Variants in C2orf49 observed in about 807,000 individuals in gnomAD.
C2orf49 encodes tRNA-splicing ligase complex subunit ASW.
In C2orf49, 11 loss-of-function variants were observed where a neutral mutation model predicts 20.6. The ratio of observed to expected loss-of-function variants is 0.53; its 90% confidence interval spans 0.34 to 0.88. The LOEUF (loss-of-function observed/expected upper bound fraction) is 0.88, where lower values mean the gene tolerates loss of function less well. Among genes scored for constraint, C2orf49 ranks in the 40% least tolerant of loss-of-function variants. C2orf49 has a pLI of 0.02. For missense variants in C2orf49, 289 were observed against 274.2 expected (o/e 1.05, Z -0.38); for synonymous variants, 134 against 108.5 (o/e 1.24, Z -1.46).
rs1285322892 is a variant in C2orf49, at chr2:105,345,330, C to G, written c.658C>G (p.Pro220Ala). The G allele has an allele frequency of 6.2e-7, 1 of 1,612,132 alleles. No individual in the cohort carries two copies. The highest frequency in any genetic ancestry group is 8.5e-7 in the Non-Finnish European group (1 of 1,179,446). ...EAEAMNNLKP[P>A]QAKRKIQHVT... is the part of the protein sequence containing the mutation. Reference sequence around the variant, plus strand: ...TGTCTTTCAGAATAACCTGAAGCCCCCACAAGCAAAAAGGAAGATACAACA... The same window carrying G: ...TGTCTTTCAGAATAACCTGAAGCCCGCACAAGCAAAAAGGAAGATACAACA... The change falls in exon 4 of 4, where the codon CCA (proline) becomes GCA (alanine). Residue 220 changes from proline to alanine, a missense_variant. Physicochemically the swap from Pro to Ala is conservative, Grantham distance 27 (BLOSUM62 -1). Coordinates refer to ENST00000258457, the MANE Select transcript of C2orf49 (RefSeq NM_024093.3).
At chr2:105,339,001 A>G (rs563869432) in intron 1 of C2orf49, among the ~76,000 whole-genome samples, 51 of 152,266 alleles carry the variant, frequency 3.3e-4, no homozygotes, top group Non-Finnish European at 6.6e-4. Flanking sequence ...TGAAAGGACC[A>G]GTGAAAATGG....
chr2:105,354,091 T>C (rs1679995117), downstream of C2orf49, among the ~76,000 whole-genome samples: 1 of 152,222 alleles, frequency 6.6e-6, no homozygotes, highest in African/African-American at 2.4e-5. Flanking sequence ...CTTTGCTAGT[T>C]TCTAAAGTTC....
rs1448351344 is a variant in C2orf49, at chr2:105,337,565, A to C, written c.-23A>C. The C allele has an allele frequency of 5.0e-6, 8 of 1,613,064 alleles. No homozygotes were observed. The Admixed American group carries it at 8.3e-5, about 17-fold the overall frequency. ...CTTCGCGGGGCTTTGTGGGTAGCCG[A>C]CTGGGGTCTCCTGGCGACGACCATG... On this transcript the variant is annotated 5_prime_UTR_variant, in exon 1 of 4. Transcript: ENST00000258457.
At chr2:105,343,295 A>G (rs111280200) in intron 3 of C2orf49, 72 bp downstream of exon 3, 63,989 of 1,458,340 alleles carry the variant, frequency 0.044, 1,554 homozygotes, top group African/African-American at 0.075. Context: ...TCATGACGGG[A>G]GGTGGGTCGA....
At chr2:105,363,733 T>G in the C2orf49 span, among the ~76,000 whole-genome samples, 1 of 152,208 alleles carries the variant, frequency 6.6e-6, no homozygotes, top group Non-Finnish European at 1.5e-5. Flanking sequence ...GCTGGGGATC[T>G]AAGGCATAGG....
At chr2:105,381,591 C>T in the C2orf49 span, among the ~76,000 whole-genome samples, 5 of 152,140 alleles carry the variant, frequency 3.3e-5, no homozygotes, top group Non-Finnish European at 7.3e-5. Flanking sequence ...AGGCCAAGTT[C>T]GTGCACTGAC....
intron 2 of C2orf49, among the ~76,000 whole-genome samples, chr2:105,342,218 ATAT>A (rs560736748): frequency 5.9e-5 from 9 of 152,348 alleles, no homozygotes; most frequent in Admixed American, 5.9e-4. Flanking sequence ...GGTGATATAG[ATAT>A]TATCTGAGGT....
the C2orf49 span, chr2:105,367,429 G>A: frequency 1.3e-6 from 1 of 787,668 alleles, no homozygotes; most frequent in South Asian, 1.9e-5. Flanking sequence ...TAAATGCTCA[G>A]AATGTAAGGC....
the C2orf49 span, among the ~76,000 whole-genome samples, chr2:105,379,486 T>C: frequency 6.6e-6 from 1 of 152,260 alleles, no homozygotes; most frequent in Non-Finnish European, 1.5e-5. Context: ...TAATTCTTCA[T>C]ACCTATTTTG....
At chr2:105,367,424 G>T in the C2orf49 span, 5 of 748,816 alleles carry the variant, frequency 6.7e-6, no homozygotes, top group Non-Finnish European at 1.1e-5. Context: ...ATGGATAAAT[G>T]CTCAGAATGT....
chr2:105,373,447 G>T, the C2orf49 span: 2 of 1,158,522 alleles, frequency 1.7e-6, no homozygotes, highest in East Asian at 2.4e-5. Flanking sequence ...GGTCAAACTG[G>T]AAAGTCAACA....
intron 1 of C2orf49, 23 bp downstream of exon 1, chr2:105,337,709 GTGGGCGGGT>G: frequency 5.5e-6 from 2 of 365,844 alleles, no homozygotes; most frequent in Non-Finnish European, 1.1e-5. Flanking sequence ...GGATCGGAGG[GTGGGCGGGT>G]GGGCCTTCCC....
At chr2:105,342,503 A>G (rs1019927997) in intron 2 of C2orf49, among the ~76,000 whole-genome samples, 9 of 151,852 alleles carry the variant, frequency 5.9e-5, no homozygotes, top group Non-Finnish European at 1.0e-4. Flanking sequence ...AACTGATTAC[A>G]TGGTTAAGAT....
In C2orf49 at chr2:105,345,963, CAA is replaced by C. The variant is rs879523251; in HGVS notation, c.*603_*604del. ...GGGCAACAAGAGCGAAACTCCATCT[CAA>C]AAAAAAAAAAGCATTCAGTGAATTT... is the stretch of plus-strand genomic sequence containing the variant. On this transcript the variant is annotated 3_prime_UTR_variant, in exon 4 of 4. Coordinates refer to ENST00000258457, the MANE Select transcript of C2orf49 (RefSeq NM_024093.3). 4 of 135,118 alleles carry C rather than the reference CAA, an allele frequency of 3.0e-5. No homozygotes were observed. Among genetic ancestry groups the C allele is most frequent in the East Asian group, 4.2e-4 (2 of 4,762 alleles). The allele number at this position is 135,118 out of a possible 1,614,324, so 8.4% of individuals were successfully genotyped here.
At chr2:105,353,833 T>C (rs1045033483), downstream of C2orf49, among the ~76,000 whole-genome samples, 2 of 152,256 alleles carry the variant, frequency 1.3e-5, no homozygotes, top group Non-Finnish European at 2.9e-5. Context: ...TGATTGAGAA[T>C]TGAGTATATA....
chr2:105,378,492 G>C, the C2orf49 span: 2 of 227,930 alleles, frequency 8.8e-6, no homozygotes, highest in Non-Finnish European at 8.8e-6. Context: ...GGCTGGTGTA[G>C]AGTGGACACC....
the C2orf49 span, among the ~76,000 whole-genome samples, chr2:105,377,166 T>G: frequency 6.6e-6 from 1 of 152,206 alleles, no homozygotes; most frequent in Non-Finnish European, 1.5e-5. Flanking sequence ...AATGGAATAC[T>G]AGGCGTAAAT....
intron 1 of C2orf49, among the ~76,000 whole-genome samples, chr2:105,337,927 G>T (rs1426994240): frequency 6.6e-6 from 1 of 152,154 alleles, no homozygotes; most frequent in Non-Finnish European, 1.5e-5. Flanking sequence ...TCTGAGTCCC[G>T]ATGGCTTGTA....
At position 105,337,601 on chromosome 2, in the gene C2orf49, T is replaced by C. The variant is rs751108065; in HGVS notation, c.14T>C (p.Val5Ala). MAGD[V>A]GGRSCTDSEL... ...CTGGCGACGACCATGGCGGGGGATGTGGGCGGTCGCAGCTGCACGGACTCG... is the reference window on the plus strand; with the variant it reads ...CTGGCGACGACCATGGCGGGGGATGCGGGCGGTCGCAGCTGCACGGACTCG... Residue 5 changes from valine to alanine, a missense_variant, in exon 1 of 4, where the codon GTG (valine) becomes GCG (alanine). Physicochemically the swap from Val to Ala is moderately conservative, Grantham distance 64. Transcript: ENST00000258457. 3.7e-6 allele frequency: 6 copies of C among 1,612,158 alleles called. No homozygotes were observed. The highest frequency in any genetic ancestry group is 4.2e-6 in the Non-Finnish European group (5 of 1,179,530).
Sources: gnomAD v4.1 joint callset for allele counts (sites outside exome capture counted in the v4.1 genomes callset) on GRCh38, gnomAD v4.1.1 for gene constraint, MANE v1.5 for transcripts, NCBI Gene and HGNC (gene_info 2026-07-23, HGNC 2026-07-21) for gene names.